Variants in YLPM1 observed in about 807,000 individuals in gnomAD.
YLPM1 encodes the protein YLP motif containing 1.
Under a neutral mutation model 230.0 loss-of-function variants are expected in YLPM1, and 99 were observed. The ratio of observed to expected loss-of-function variants is 0.43; its 90% CI spans 0.37 to 0.51. YLPM1 has a LOEUF of 0.51. Among genes scored for constraint, YLPM1 ranks in the 20% least tolerant of loss-of-function variants. The pLI, the probability that YLPM1 is intolerant of heterozygous loss-of-function variation, is 0.00. For synonymous variants in YLPM1, 984 were observed against 942.5 expected (o/e 1.04, Z -0.81); for missense variants, 2,592 against 2,707.7 (o/e 0.96, Z 0.95).
Position 74,810,370 on chromosome 14 carries a change from T to C in YLPM1, c.5178T>C (p.Ile1726=), listed in dbSNP as rs200662983. Reference sequence around the variant, plus strand: ...ATCGAGACCGGGATCGTGGTGTTATTGACTATGACCGGGATCGATTTGACA... The same window carrying C: ...ATCGAGACCGGGATCGTGGTGTTATCGACTATGACCGGGATCGATTTGACA... ...HRDRDRDRGV[I]DYDRDRFDRE... Residue 1726 remains isoleucine, a synonymous_variant, in exon 9 of 21, where the codon ATT becomes ATC. Coordinates refer to ENST00000325680, the MANE Select transcript of YLPM1 (RefSeq NM_019589.3). The C allele has an allele frequency of 1.9e-4, 299 of 1,613,778 alleles. 1 individual carries two copies. The African/African-American group carries it at 3.7e-3, about 20-fold the overall frequency.
chr14:74,791,832 C>T (rs1307570053), intron 4 of YLPM1, among the ~76,000 whole-genome samples: 1 of 152,136 alleles, frequency 6.6e-6, no homozygotes, highest in African/African-American at 2.4e-5. Context: ...TCCAAAATGT[C>T]AGTCATGGAT....
chr14:74,810,358 T>C lies in YLPM1; in HGVS notation c.5166T>C (p.Asp1722=). 6.2e-7 allele frequency: 1 copy of C among 1,613,552 alleles called. No individual in the cohort carries two copies. The highest frequency in any genetic ancestry group is 8.5e-7 in the Non-Finnish European group (1 of 1,179,776). Residue 1722 remains aspartate, a synonymous_variant, in exon 9 of 21, where the codon GAT becomes GAC. Transcript: ENST00000325680. ...DRETHRDRDR[D]RGVIDYDRDR... is the part of the protein sequence containing the mutation. The stretch of plus-strand genomic sequence containing the variant: ...AGACACATAGAGATCGAGACCGGGA[T>C]CGTGGTGTTATTGACTATGACCGGG...
chr14:74,803,556 C>T (rs772348032), intron 6 of YLPM1, among the ~76,000 whole-genome samples: 1 of 152,164 alleles, frequency 6.6e-6, no homozygotes, highest in Non-Finnish European at 1.5e-5. Context: ...CTCCCCAGAT[C>T]GGATCTCCTG....
At chr14:74,821,017 T>C in intron 16 of YLPM1, 40 bp from the exon 17 acceptor site, 1 of 1,442,202 alleles carries the variant, frequency 6.9e-7, no homozygotes, top group Non-Finnish European at 9.1e-7. Flanking sequence ...TTGCTAAATG[T>C]TAACTCAGTC....
chr14:74,796,968 CTTT>C (rs3083626), intron 4 of YLPM1, among the ~76,000 whole-genome samples: 2 of 88,952 alleles, frequency 2.2e-5, no homozygotes, highest in Non-Finnish European at 2.1e-5. Flanking sequence ...TTTATAATTG[CTTT>C]TTTTTTTTTT....
intron 1 of YLPM1, 102 bp from the exon 2 acceptor site, chr14:74,778,345 A>G: frequency 4.9e-6 from 5 of 1,013,948 alleles, no homozygotes; most frequent in African/African-American, 1.6e-5. Context: ...TTTTTTACAT[A>G]TAGACACATG....
At position 74,780,536 on chromosome 14, in the gene YLPM1, G is replaced by C; in HGVS notation, c.1242G>C (p.Gln414His). 1 of 1,613,960 alleles carries C rather than the reference G, an allele frequency of 6.2e-7. No homozygotes were observed. The highest frequency in any genetic ancestry group is 8.5e-7 in the Non-Finnish European group (1 of 1,179,868). Residue 414 changes from glutamine to histidine, a missense_variant, in exon 3 of 21, where the codon CAG becomes CAC. Physicochemically the swap from Gln to His is conservative, Grantham distance 24 (BLOSUM62 0). Around this residue, in one of 4 missense-constraint regions of YLPM1, gnomAD observed 1,862 missense variants for 1,819.8 expected, o/e 1.02. Coordinates refer to ENST00000325680, the MANE Select transcript of YLPM1 (RefSeq NM_019589.3). ...GIMQKHTQLQ[Q>H]ILQQYQQIIQ... ...TGCAGAAGCACACTCAGTTACAGCA[G>C]ATTCTACAACAGTATCAGCAGATTA...
chr14:74,784,326 T>A (rs1263913282), intron 4 of YLPM1, among the ~76,000 whole-genome samples: 1 of 152,236 alleles, frequency 6.6e-6, no homozygotes, highest in Non-Finnish European at 1.5e-5. Flanking sequence ...ATATTAGCAA[T>A]TATCTAATAT....
At chr14:74,819,298 G>T (rs2091502702) in intron 16 of YLPM1, among the ~76,000 whole-genome samples, 2 of 133,984 alleles carry the variant, frequency 1.5e-5, no homozygotes, top group South Asian at 2.3e-4. Flanking sequence ...TTTTTGAGGT[G>T]GAGTCTCACT....
intron 6 of YLPM1, among the ~76,000 whole-genome samples, chr14:74,809,084 T>C (rs1057147337): frequency 6.6e-6 from 1 of 151,928 alleles, no homozygotes. Context: ...TGGAGAAATA[T>C]CTATTCTCAT....
At chr14:74,782,427 A>G in intron 4 of YLPM1, 102 bp downstream of exon 4, 1 of 1,334,204 alleles carries the variant, frequency 7.5e-7, no homozygotes, top group Non-Finnish European at 9.9e-7. Context: ...TACAATGTTT[A>G]TACTCTCTTT....
intron 17 of YLPM1, among the ~76,000 whole-genome samples, chr14:74,823,587 A>T (rs146125102): frequency 6.6e-6 from 1 of 152,244 alleles, no homozygotes; most frequent in African/African-American, 2.4e-5. Flanking sequence ...GTAAGAGGAA[A>T]ACATAATTTT....
intron 11 of YLPM1, among the ~76,000 whole-genome samples, chr14:74,814,801 C>T (rs939145662): frequency 5.9e-5 from 9 of 152,222 alleles, no homozygotes; most frequent in East Asian, 1.9e-4. Flanking sequence ...TGGGAAGAGT[C>T]GGTATTTAAA....
At chr14:74,823,733 G>T (rs1377957933) in intron 17 of YLPM1, among the ~76,000 whole-genome samples, 2 of 151,994 alleles carry the variant, frequency 1.3e-5, no homozygotes, top group Non-Finnish European at 2.9e-5. Context: ...CTTCCTAATC[G>T]GGTAATTGGG....
At chr14:74,792,858 G>A (rs970440160) in intron 4 of YLPM1, among the ~76,000 whole-genome samples, 23 of 152,108 alleles carry the variant, frequency 1.5e-4, no homozygotes, top group Non-Finnish European at 2.9e-4. Context: ...CCATTTCCTG[G>A]AGTGCATGCT....
Position 74,782,371 on chromosome 14 carries a change from T to C in YLPM1, c.2282+46T>C, listed in dbSNP as rs774374767. On this transcript the variant is annotated intron_variant, in intron 4 of 20. Coordinates refer to ENST00000325680, the MANE Select transcript of YLPM1 (RefSeq NM_019589.3). Reference sequence around the variant, plus strand: ...CTTTTTTTTTGGTTTGGCTATTTTATTGACTTAGGCTATTTGGTTCTCGAT... The same window carrying C: ...CTTTTTTTTTGGTTTGGCTATTTTACTGACTTAGGCTATTTGGTTCTCGAT... 6.0e-6 allele frequency: 9 copies of C among 1,492,308 alleles called. No homozygotes were observed. The East Asian group carries it at 2.1e-4, about 34-fold the overall frequency. 92.4% of individuals were successfully genotyped at this position (1,492,308 alleles called of 1,614,324 possible). A position where few individuals can be genotyped will look rare whatever the true frequency, so the allele number is the denominator to read the frequency against.
At chr14:74,834,200 A>T (rs2140149217) in intron 19 of YLPM1, among the ~76,000 whole-genome samples, 1 of 149,848 alleles carries the variant, frequency 6.7e-6, no homozygotes, top group Non-Finnish European at 1.5e-5. Flanking sequence ...AAAAAAAAAA[A>T]TTACAAAAAT....
chr14:74,816,348 A>G (rs1594839812), intron 12 of YLPM1, 83 bp downstream of exon 12: 3 of 1,411,382 alleles, frequency 2.1e-6, no homozygotes, highest in South Asian at 1.2e-5. Flanking sequence ...AGCAAGCAAC[A>G]TAATGCCAAT....
rs186968951 is a variant in YLPM1 at position 74,805,967 on chromosome 14, A to G, written c.4521+3291A>G. On this transcript the variant is annotated intron_variant, in intron 6 of 20. Transcript: ENST00000325680. ...GTGATCCACCTGCCTCAGCCTCCCA[A>G]AGTGCTAGGATTACAGGCATGAGCC... Among the ~76,000 whole-genome samples the G allele has an allele frequency of 3.3e-3, 495 of 149,904 alleles. 4 individuals are homozygous for G. The highest frequency in any genetic ancestry group is 0.011 in the African/African-American group (464 of 40,848).
Sources: allele counts gnomAD v4.1 joint callset (sites outside exome capture counted in the v4.1 genomes callset), GRCh38; gene constraint gnomAD v4.1.1; regional missense constraint gnomAD v4.1.1; transcripts MANE v1.5; gene names NCBI Gene and HGNC (gene_info 2026-07-23, HGNC 2026-07-21).